The following CNTNAP2 variants were observed in gnomAD, a reference collection of about 807,000 sequenced individuals.
The protein encoded by CNTNAP2 is contactin associated protein 2, also known as contactin-associated protein-like 2.
In CNTNAP2, 98 loss-of-function variants were observed where a neutral mutation model predicts 155.2. That is an observed-to-expected ratio of 0.63 (90% confidence interval 0.54 to 0.75). The LOEUF is 0.75. Among genes scored for constraint, CNTNAP2 ranks in the 30% least tolerant of loss-of-function variants. The pLI is 0.00. For synonymous variants in CNTNAP2, 651 were observed against 631.2 expected (o/e 1.03, Z -0.47); for missense variants, 1,727 against 1,688.1 (o/e 1.02, Z -0.40).
In CNTNAP2 at chr7:146,555,407, T is replaced by C. The variant is rs188699545; in HGVS notation, c.98-218864T>C. Among the ~76,000 whole-genome samples the C allele has an allele frequency of 5.9e-5, 9 of 152,324 alleles. No individual in the cohort carries two copies. The East Asian group carries it at 1.7e-3, about 29-fold the overall frequency. On this transcript the variant is annotated intron_variant, in intron 1 of 23. Coordinates refer to ENST00000361727, the MANE Select transcript of CNTNAP2 (RefSeq NM_014141.6). ...TCTATCTACCATCTATTATGTATCATCTATTTACTGAATTATATATCTAAT... is the reference window on the plus strand; with the variant it reads ...TCTATCTACCATCTATTATGTATCACCTATTTACTGAATTATATATCTAAT...
At chr7:146,456,055 T>A (rs1205126157) in intron 1 of CNTNAP2, among the ~76,000 whole-genome samples, 1 of 151,728 alleles carries the variant, frequency 6.6e-6, no homozygotes, top group East Asian at 1.9e-4. Context: ...AGTTTTTTCT[T>A]AAAAAAAAGG....
chr7:146,812,828 A>G (rs1803092606), intron 2 of CNTNAP2, among the ~76,000 whole-genome samples: 1 of 152,298 alleles, frequency 6.6e-6, no homozygotes, highest in African/African-American at 2.4e-5. Context: ...CCTGGACTGG[A>G]CCCAGGGTCC....
intron 21 of CNTNAP2, among the ~76,000 whole-genome samples, chr7:148,351,545 C>G (rs1176395388): frequency 1.2e-4 from 18 of 151,694 alleles, no homozygotes; most frequent in African/African-American, 4.1e-4. Flanking sequence ...GAGTTCAAGA[C>G]CAGCCTGACC....
chr7:146,958,193 A>T (rs1198589618), intron 3 of CNTNAP2, among the ~76,000 whole-genome samples: 1 of 152,158 alleles, frequency 6.6e-6, no homozygotes, highest in Non-Finnish European at 1.5e-5. Context: ...TTTACGTGAC[A>T]TAGGGAAGAA....
chr7:147,686,581 T>G (rs1796020623), intron 13 of CNTNAP2, among the ~76,000 whole-genome samples: 1 of 151,856 alleles, frequency 6.6e-6, no homozygotes, highest in Non-Finnish European at 1.5e-5. Flanking sequence ...TGGGAGATGT[T>G]TGAAGACTGA....
intron 4 of CNTNAP2, among the ~76,000 whole-genome samples, chr7:147,076,201 C>T (rs531905806): frequency 7.3e-4 from 111 of 152,274 alleles, no homozygotes; most frequent in Middle Eastern, 3.4e-3. Context: ...CTTGAGGAAT[C>T]GCCACACTGT....
At chr7:147,611,201 A>G (rs1200254240) in intron 12 of CNTNAP2, among the ~76,000 whole-genome samples, 1 of 152,138 alleles carries the variant, frequency 6.6e-6, no homozygotes, top group Non-Finnish European at 1.5e-5. Context: ...TGGATCCAAG[A>G]TGACATTTAC....
At chr7:148,134,828 A>C (rs1316725914) in intron 16 of CNTNAP2, among the ~76,000 whole-genome samples, 1 of 152,198 alleles carries the variant, frequency 6.6e-6, no homozygotes, top group Non-Finnish European at 1.5e-5. Context: ...AGCAGCAAAA[A>C]GGACAAAACA....
At chr7:146,191,706 A>T (rs1191762905) in intron 1 of CNTNAP2, among the ~76,000 whole-genome samples, 1 of 152,124 alleles carries the variant, frequency 6.6e-6, no homozygotes, top group Non-Finnish European at 1.5e-5. Flanking sequence ...GAGAAAAAGA[A>T]TTCAGCGATA....
intron 3 of CNTNAP2, among the ~76,000 whole-genome samples, chr7:146,999,735 A>G (rs1016434946): frequency 6.6e-6 from 1 of 152,026 alleles, no homozygotes; most frequent in Non-Finnish European, 1.5e-5. Flanking sequence ...ATTTTTCTTC[A>G]GATGTCTGCT....
intron 1 of CNTNAP2, among the ~76,000 whole-genome samples, chr7:146,550,741 A>G (rs2129142703): frequency 6.6e-6 from 1 of 152,184 alleles, no homozygotes; most frequent in African/African-American, 2.4e-5. Context: ...TTCTGTTTGC[A>G]ATGATCAGCA....
intron 8 of CNTNAP2, among the ~76,000 whole-genome samples, chr7:147,148,350 A>G (rs1358693438): frequency 6.8e-6 from 1 of 146,958 alleles, no homozygotes; most frequent in East Asian, 2.0e-4. Context: ...AGATCCCGCC[A>G]CTGCACTCCA....
chr7:147,641,997 G>GGTGT (rs1216608708), intron 13 of CNTNAP2, among the ~76,000 whole-genome samples: 15 of 140,346 alleles, frequency 1.1e-4, no homozygotes, highest in African/African-American at 3.2e-4. Context: ...ACTTATCATA[G>GGTGT]GTGTGTGTGT....
chr7:147,971,281 C>A (rs1004516407), intron 14 of CNTNAP2, among the ~76,000 whole-genome samples: 3 of 151,996 alleles, frequency 2.0e-5, no homozygotes, highest in Non-Finnish European at 4.4e-5. Flanking sequence ...TTTTTAATAA[C>A]CTCATTGAAG....
At chr7:147,353,013 T>C (rs1047091590) in intron 9 of CNTNAP2, among the ~76,000 whole-genome samples, 2 of 151,526 alleles carry the variant, frequency 1.3e-5, no homozygotes, top group African/African-American at 4.9e-5. Context: ...TCGTTCTCTA[T>C]AGCAATTAGT....
At chr7:147,554,553 C>T (rs1156713589) in intron 11 of CNTNAP2, among the ~76,000 whole-genome samples, 2 of 150,464 alleles carry the variant, frequency 1.3e-5, no homozygotes, top group African/African-American at 4.9e-5. Context: ...AAAAGAACTA[C>T]AAGCTATTGT....
At chr7:147,951,439 C>T (rs1197326127) in intron 14 of CNTNAP2, among the ~76,000 whole-genome samples, 4 of 152,186 alleles carry the variant, frequency 2.6e-5, no homozygotes, top group Admixed American at 1.3e-4. Context: ...TATAATCAAG[C>T]ACATATCCTG....
chr7:148,385,729 G>A (rs970202966), intron 22 of CNTNAP2, among the ~76,000 whole-genome samples: 6 of 139,060 alleles, frequency 4.3e-5, no homozygotes, highest in Non-Finnish European at 7.6e-5. Context: ...TGCTTTGAGT[G>A]TGACAGGTTT....
At chr7:146,259,121 G>T (rs1369863437) in intron 1 of CNTNAP2, among the ~76,000 whole-genome samples, 1 of 152,134 alleles carries the variant, frequency 6.6e-6, no homozygotes, top group African/African-American at 2.4e-5. Context: ...GTAAGAATGT[G>T]CTTGCTTATC....
Sources: gnomAD v4.1 joint callset for allele counts (sites outside exome capture counted in the v4.1 genomes callset) on GRCh38, gnomAD v4.1.1 for gene constraint, MANE v1.5 for transcripts, NCBI Gene and HGNC (gene_info 2026-07-23, HGNC 2026-07-21) for gene names.